The following DDX1 variants were observed in gnomAD, a reference collection of about 807,000 sequenced individuals.
The protein encoded by DDX1 is DEAD-box helicase 1.
In DDX1, 28 loss-of-function variants were observed where a neutral mutation model predicts 108.7. The observed-to-expected ratio is 0.26, with a 90% CI of 0.19 to 0.35. DDX1 has a LOEUF of 0.35. Ranked by LOEUF, DDX1 falls within the 10% of genes least tolerant of loss-of-function variation. The pLI is 1.00. For missense variants in DDX1, 710 were observed against 884.5 expected (o/e 0.80, Z 2.50); for synonymous variants, 295 against 288.9 (o/e 1.02, Z -0.21).
At chr2:15,592,117 C>T (rs971789989) in intron 1 of DDX1, among the ~76,000 whole-genome samples, 168 bp downstream of exon 1, 1 of 152,232 alleles carries the variant, frequency 6.6e-6, no homozygotes, top group Non-Finnish European at 1.5e-5. Context: ...CAGGGGCGGC[C>T]GCGGCTCGGG....
At position 15,603,291 on chromosome 2, in the gene DDX1, A is replaced by G. The variant is rs1665615763; in HGVS notation, c.475+16A>G. Reference sequence around the variant, plus strand: ...TTGGACCTAGGTAAGTGTTTCTAAAATAACTGAATTGATTGATTTACATTT... The same window carrying G: ...TTGGACCTAGGTAAGTGTTTCTAAAGTAACTGAATTGATTGATTTACATTT... On this transcript the variant is annotated intron_variant, in intron 8 of 25. Transcript: ENST00000233084. 6.6e-7 allele frequency: 1 copy of G among 1,520,370 alleles called. No individual in the cohort carries two copies. The highest frequency in any genetic ancestry group is 9.1e-7 in the Non-Finnish European group (1 of 1,100,060). The allele number at this position is 1,520,370 out of a possible 1,614,324, so 94.2% of individuals were successfully genotyped here.
intron 24 of DDX1, 76 bp from the exon 25 acceptor site, chr2:15,629,914 G>T: frequency 7.1e-7 from 1 of 1,408,002 alleles, no homozygotes; most frequent in Non-Finnish European, 9.7e-7. Context: ...GGCCTTTCCA[G>T]CTTTATTTAA....
At chr2:15,629,431 A>G (rs971970027) in intron 23 of DDX1, among the ~76,000 whole-genome samples, 171 bp from the exon 24 acceptor site, 31 of 152,312 alleles carry the variant, frequency 2.0e-4, no homozygotes, top group Admixed American at 1.4e-3. Context: ...CAGAAGACCT[A>G]TTTATTCAAT....
At position 15,595,231 on chromosome 2, in the gene DDX1, G is replaced by A. The variant is rs377498435; in HGVS notation, c.68+35G>A. ...TAAAGCCTAAATGTACCTGGGAGAG[G>A]ATGTTTTATAATTTAAACAGTTGTT... On this transcript the variant is annotated intron_variant, in intron 2 of 25. Transcript: ENST00000233084. 571 of 1,517,984 alleles carry A rather than the reference G, an allele frequency of 3.8e-4. 1 individual carries two copies. Among genetic ancestry groups the A allele is most frequent in the Non-Finnish European group, 5.0e-4 (552 of 1,107,730 alleles). 94.0% of individuals were successfully genotyped at this position (1,517,984 alleles called of 1,614,324 possible).
chr2:15,623,427 A>G lies in DDX1; in HGVS notation c.1448-9A>G, dbSNP rs1024731909. The G allele has an allele frequency of 3.7e-6, 6 of 1,612,756 alleles. No homozygotes were observed. Among genetic ancestry groups the G allele is most frequent in the South Asian group, 2.2e-5 (2 of 90,976 alleles). On this transcript the variant is annotated splice_polypyrimidine_tract_variant and intron_variant, in intron 18 of 25. Coordinates refer to ENST00000233084, the MANE Select transcript of DDX1 (RefSeq NM_004939.3). ...TCTGTTGGTTTTTGTTGTTGTTATG[A>G]TATTCAAGAGATGTGGTCTGAAGCT...
intron 9 of DDX1, 48 bp from the exon 10 acceptor site, chr2:15,604,389 T>G (rs41264161): frequency 0.027 from 33,132 of 1,232,714 alleles, 575 homozygotes; most frequent in Non-Finnish European, 0.034. Context: ...TTAACTTTAT[T>G]TAAGAATTTA....
rs188172979 is a variant in DDX1 at position 15,616,192 on chromosome 2, C to T, written c.1018-1052C>T. On this transcript the variant is annotated intron_variant, in intron 14 of 25. Coordinates refer to ENST00000233084, the MANE Select transcript of DDX1 (RefSeq NM_004939.3). ...CCTCCCAAAGTGCTAGGATTACAGG[C>T]GTGAGCCACCGCGCCGGCCCATATA... Among the ~76,000 whole-genome samples, 249 of 152,222 alleles carry T rather than the reference C, an allele frequency of 1.6e-3. 3 individuals carry two copies. Among genetic ancestry groups the T allele is most frequent in the African/African-American group, 5.8e-3 (243 of 41,542 alleles).
chr2:15,616,021 TA>T (rs1665887318), intron 14 of DDX1, among the ~76,000 whole-genome samples: 1 of 151,818 alleles, frequency 6.6e-6, no homozygotes, highest in East Asian at 1.9e-4. Context: ...GCCTCCTGAG[TA>T]GCTGGGACTA....
chr2:15,620,479 A>C (rs1665984561), intron 17 of DDX1, 83 bp downstream of exon 17: 1 of 1,027,402 alleles, frequency 9.7e-7, no homozygotes, highest in African/African-American at 1.6e-5. Flanking sequence ...GTGATGCTTA[A>C]GGCAATCAGT....
intron 7 of DDX1, among the ~76,000 whole-genome samples, chr2:15,602,990 C>T (rs1422073055): frequency 2.0e-5 from 3 of 152,140 alleles, no homozygotes; most frequent in African/African-American, 7.2e-5. Context: ...TGCCTGCAGG[C>T]GTGAGCCACT....
At chr2:15,610,219 C>T (rs956751727) in intron 13 of DDX1, among the ~76,000 whole-genome samples, 2 of 152,212 alleles carry the variant, frequency 1.3e-5, no homozygotes, top group African/African-American at 4.8e-5. Context: ...GTGTGAGCTA[C>T]TGCATCTGGC....
intron 16 of DDX1, 27 bp from the exon 17 acceptor site, chr2:15,620,180 AT>A: frequency 6.3e-7 from 1 of 1,577,274 alleles, no homozygotes; most frequent in Non-Finnish European, 8.7e-7. Context: ...ATAAAAGTTC[AT>A]CTCAATTTGG....
At chr2:15,626,049 T>C (rs1015690111) in intron 19 of DDX1, among the ~76,000 whole-genome samples, 2 of 152,138 alleles carry the variant, frequency 1.3e-5, no homozygotes, top group South Asian at 2.1e-4. Context: ...TTTAGTTACT[T>C]TGATGCTCCT....
In DDX1 at chr2:15,630,932, G is replaced by T; in HGVS notation, c.*26G>T. ...TTTTTACATTTACTGAATAAGATTT[G>T]AGTAATGAAAGTCTGTAGTCTTAAA... On this transcript the variant is annotated 3_prime_UTR_variant, in exon 26 of 26. Coordinates refer to ENST00000233084, the MANE Select transcript of DDX1 (RefSeq NM_004939.3). The T allele has an allele frequency of 6.2e-7, 1 of 1,610,082 alleles. No homozygotes were observed. Among genetic ancestry groups the T allele is most frequent in the South Asian group, 1.1e-5 (1 of 90,802 alleles).
chr2:15,605,577 A>C (rs1319177438), intron 10 of DDX1, among the ~76,000 whole-genome samples: 1 of 152,196 alleles, frequency 6.6e-6, no homozygotes, highest in Non-Finnish European at 1.5e-5. Flanking sequence ...GAGATGAAAG[A>C]AAGTGGATAC....
intron 9 of DDX1, 46 bp downstream of exon 9, chr2:15,603,936 T>G: frequency 8.0e-7 from 1 of 1,255,388 alleles, no homozygotes; most frequent in African/African-American, 1.5e-5. Context: ...GTAAGTTTTC[T>G]TGCATACTTA....
intron 20 of DDX1, 42 bp downstream of exon 20, chr2:15,627,187 G>C: frequency 8.9e-7 from 1 of 1,118,906 alleles, no homozygotes; most frequent in South Asian, 1.4e-5. Context: ...ACTTAAGAGG[G>C]GCATTATATC....
rs759002768 is a variant in DDX1 at position 15,595,207 on chromosome 2, A to G, written c.68+11A>G. On this transcript the variant is annotated intron_variant, in intron 2 of 25. Transcript: ENST00000233084. ...AGAGATGGATTGGCTGTAAGTACAT[A>G]AAGCCTAAATGTACCTGGGAGAGGA... 2 of 1,595,640 alleles carry G rather than the reference A, an allele frequency of 1.3e-6. No individual in the cohort carries two copies. The highest frequency in any genetic ancestry group is 2.2e-5 in the South Asian group (2 of 89,670).
chr2:15,615,612 GATA>G (rs1455493847), intron 14 of DDX1, among the ~76,000 whole-genome samples: 2 of 152,182 alleles, frequency 1.3e-5, no homozygotes, highest in Admixed American at 6.5e-5. Context: ...TTTTTCATGG[GATA>G]ATAAGTGCCT....
Sources: allele counts gnomAD v4.1 joint callset (sites outside exome capture counted in the v4.1 genomes callset), GRCh38; gene constraint gnomAD v4.1.1; transcripts MANE v1.5; gene names NCBI Gene and HGNC (gene_info 2026-07-23, HGNC 2026-07-21).